Variants in POLR3B observed in about 807,000 individuals in gnomAD.
POLR3B encodes the protein RNA polymerase III subunit B.
Under a neutral mutation model 147.4 loss-of-function variants are expected in POLR3B, and 96 were observed. The observed-to-expected ratio is 0.65, with a 90% CI of 0.55 to 0.77. The LOEUF (loss-of-function observed/expected upper bound fraction) is 0.77, where lower values mean the gene tolerates loss of function less well. Among genes scored for constraint, POLR3B ranks in the 30% least tolerant of loss-of-function variants. The pLI is 0.00. For missense variants in POLR3B, 1,036 were observed against 1,413.5 expected (o/e 0.73, Z 4.28); for synonymous variants, 461 against 485.9 (o/e 0.95, Z 0.67).
intron 19 of POLR3B, among the ~76,000 whole-genome samples, chr12:106,454,229 T>A (rs999338919): frequency 8.5e-5 from 13 of 152,174 alleles, no homozygotes; most frequent in African/African-American, 3.1e-4. Flanking sequence ...ACTAAATCCC[T>A]CAAATGGGAT....
chr12:106,490,686 A>G (rs1002520014), intron 23 of POLR3B, among the ~76,000 whole-genome samples: 1 of 152,166 alleles, frequency 6.6e-6, no homozygotes, highest in African/African-American at 2.4e-5. Flanking sequence ...GGTTAATTCG[A>G]TAGCTGGAAA....
At chr12:106,399,341 G>A (rs941259222) in intron 10 of POLR3B, among the ~76,000 whole-genome samples, 2 of 152,204 alleles carry the variant, frequency 1.3e-5, no homozygotes, top group Admixed American at 1.3e-4. Context: ...AAGACCAAAT[G>A]TAGGTCTGAT....
At chr12:106,411,101 T>C (rs372966954) in intron 12 of POLR3B, 141 bp downstream of exon 12, 8 of 700,646 alleles carry the variant, frequency 1.1e-5, no homozygotes, top group African/African-American at 1.1e-4. Context: ...ACTTATTATC[T>C]CCTAGAATTC....
intron 9 of POLR3B, among the ~76,000 whole-genome samples, chr12:106,389,268 C>T (rs1482218200): frequency 6.6e-6 from 1 of 152,092 alleles, no homozygotes; most frequent in African/African-American, 2.4e-5. Flanking sequence ...GAGTTATCGC[C>T]CCTGTATTTA....
intron 10 of POLR3B, 84 bp from the exon 11 acceptor site, chr12:106,405,773 G>A (rs1364651906): frequency 2.2e-5 from 29 of 1,324,078 alleles, no homozygotes; most frequent in South Asian, 8.3e-5. Context: ...TATCTCTTTC[G>A]CTCATACTGT....
intron 9 of POLR3B, among the ~76,000 whole-genome samples, chr12:106,392,179 C>T (rs575808562): frequency 6.6e-5 from 10 of 151,956 alleles, no homozygotes; most frequent in South Asian, 4.2e-4. Flanking sequence ...TTTTTTTTCC[C>T]GAGACGGAGT....
chr12:106,427,206 C>A lies in POLR3B; in HGVS notation c.1111C>A (p.Leu371Ile). 14 of 1,417,896 alleles carry A rather than the reference C, an allele frequency of 9.9e-6. No homozygotes were observed. The highest frequency in any genetic ancestry group is 1.3e-5 in the Non-Finnish European group (14 of 1,053,354). The allele number at this position is 1,417,896 out of a possible 1,614,324, so 87.8% of individuals were successfully genotyped here. The change falls in exon 13 of 28, where the codon CTT becomes ATT. Residue 371 changes from leucine (L) to isoleucine (I), a missense_variant. Coordinates refer to ENST00000228347, the MANE Select transcript of POLR3B (RefSeq NM_018082.6). Reference sequence around the variant, plus strand: ...TTTTTTTTTTTTTTAGCTTTTATCTCTTCTTTTTGAAGACTTGTTCAAAAA... The same window carrying A: ...TTTTTTTTTTTTTTAGCTTTTATCTATTCTTTTTGAAGACTTGTTCAAAAA... ...RLELAGQLLSLLFEDLFKKFN... is the reference protein window; with the variant it reads ...RLELAGQLLSILFEDLFKKFN...
intron 18 of POLR3B, among the ~76,000 whole-genome samples, chr12:106,444,210 G>T (rs2037692342): frequency 6.6e-6 from 1 of 152,160 alleles, no homozygotes; most frequent in African/African-American, 2.4e-5. Flanking sequence ...GGAAAAGCAG[G>T]CTAGTCATCC....
chr12:106,427,606 A>T (rs1432308092), intron 13 of POLR3B, among the ~76,000 whole-genome samples: 2 of 152,200 alleles, frequency 1.3e-5, no homozygotes, highest in African/African-American at 4.8e-5. Context: ...AAAAATCTTC[A>T]TTGAACTGTT....
chr12:106,361,563 ATTGGAGTCTTT>A (rs1445854306), intron 1 of POLR3B, among the ~76,000 whole-genome samples: 5 of 152,132 alleles, frequency 3.3e-5, no homozygotes, highest in African/African-American at 1.2e-4. Context: ...TTCAGTATTT[ATTGGAGTCTTT>A]TATGTGCCAG....
Position 106,357,936 on chromosome 12 carries a change from G to T in POLR3B, c.57G>T (p.Pro19=), listed in dbSNP as rs769214693. Residue 19 remains proline, a synonymous_variant, in exon 1 of 28, where the codon CCG becomes CCT. Transcript: ENST00000228347. ...TGACTCCGGAGCAGCTGGCGGCGCC[G>T]ATCCCGACTGTAGAGGTCAGTGCCA... is the stretch of plus-strand genomic sequence containing the variant. The part of the protein sequence containing the change: ...GNLTPEQLAA[P]IPTVEEKWRL... The T allele has an allele frequency of 6.2e-7, 1 of 1,613,074 alleles. No individual in the cohort carries two copies. Among genetic ancestry groups the T allele is most frequent in the Non-Finnish European group, 8.5e-7 (1 of 1,179,938 alleles).
chr12:106,502,981 G>A lies in POLR3B; in HGVS notation c.3099-1100G>A, dbSNP rs1398883285. Among the ~76,000 whole-genome samples the A allele has an allele frequency of 2.0e-5, 3 of 152,182 alleles. No individual in the cohort carries two copies. In the East Asian group the frequency reaches 5.8e-4, roughly 29 times the overall value. On this transcript the variant is annotated intron_variant, in intron 26 of 27. Transcript: ENST00000228347. ...TATGAAGACTGCCTCGAGTGCGTTT[G>A]TCTGTAGTTGGTTATCTTAGTTGGT...
rs1183261043 is a variant in POLR3B, at chr12:106,454,609, G to T, written c.2191G>T (p.Glu731Ter). The stretch of plus-strand genomic sequence containing the variant: ...AAAAACCATTGAATTGATAGAATTT[G>T]AGAAACTGCCAGCTGGACAGAATGC... The part of the protein sequence containing the change: ...KTKTIELIEF[E>*]KLPAGQNATV... The change falls in exon 20 of 28, where the codon GAG becomes TAG. Residue 731 changes from glutamate to a stop codon, truncating the protein, a stop_gained. Coordinates refer to ENST00000228347, the MANE Select transcript of POLR3B (RefSeq NM_018082.6). LOFTEE classifies it high-confidence loss of function. 6.2e-7 allele frequency: 1 copy of T among 1,610,754 alleles called. No individual in the cohort carries two copies. Among genetic ancestry groups the T allele is most frequent in the Non-Finnish European group, 8.5e-7 (1 of 1,177,110 alleles).
At chr12:106,508,785 A>C (rs536452100) in intron 27 of POLR3B, among the ~76,000 whole-genome samples, 1 of 152,248 alleles carries the variant, frequency 6.6e-6, no homozygotes, top group African/African-American at 2.4e-5. Flanking sequence ...TTAGTTTTGC[A>C]CAAGGGACAA....
chr12:106,462,390 G>A (rs1439743551), intron 22 of POLR3B, among the ~76,000 whole-genome samples: 1 of 152,194 alleles, frequency 6.6e-6, no homozygotes, highest in Non-Finnish European at 1.5e-5. Flanking sequence ...TGTGATTACA[G>A]GGGCATGCCA....
intron 22 of POLR3B, among the ~76,000 whole-genome samples, chr12:106,462,777 C>T (rs980216926): frequency 1.6e-4 from 24 of 152,178 alleles, no homozygotes. Context: ...GGTTGCCACT[C>T]TGTCAGTGAC....
rs554767425 is a variant in POLR3B at position 106,371,446 on chromosome 12, C to A, written c.404+1763C>A. On this transcript the variant is annotated intron_variant, in intron 6 of 27. Transcript: ENST00000228347. ...CAGCCATCCCATTACTGGGTATATA[C>A]CCAAAGGACTATAAATCATGCTGCT... 1.0e-3 allele frequency among the ~76,000 whole-genome samples: 157 copies of A among 152,082 alleles called. 1 individual carries two copies. The highest frequency in any genetic ancestry group is 3.7e-3 in the African/African-American group (153 of 41,504).
intron 13 of POLR3B, among the ~76,000 whole-genome samples, chr12:106,429,447 T>C (rs1408546643): frequency 6.6e-6 from 1 of 152,226 alleles, no homozygotes; most frequent in Middle Eastern, 3.2e-3. Flanking sequence ...CCTGCTTTGC[T>C]TTTTTGATGA....
intron 20 of POLR3B, among the ~76,000 whole-genome samples, chr12:106,455,419 G>C (rs145843360): frequency 9.9e-5 from 15 of 152,224 alleles, no homozygotes; most frequent in Non-Finnish European, 1.8e-4. Context: ...TGGCATTAAT[G>C]TTGGCCACAC....
Sources: gnomAD v4.1 joint callset for allele counts (sites outside exome capture counted in the v4.1 genomes callset) on GRCh38, gnomAD v4.1.1 for gene constraint, MANE v1.5 for transcripts, NCBI Gene and HGNC (gene_info 2026-07-23, HGNC 2026-07-21) for gene names.